The following CHRM2 variants were observed in gnomAD, a reference collection of about 807,000 sequenced individuals.
CHRM2 encodes the protein muscarinic acetylcholine receptor M2.
Under a neutral mutation model 25.0 loss-of-function variants are expected in CHRM2, and 8 were observed. That is an observed-to-expected ratio of 0.32 (90% CI 0.19 to 0.58). The LOEUF is 0.58. Ranked by LOEUF, CHRM2 falls within the 20% of genes least tolerant of loss-of-function variation. The probability of loss-of-function intolerance (pLI) is 0.88; values close to 1 mark genes in which losing one functional copy is unlikely to be tolerated. For synonymous variants in CHRM2, 202 were observed against 205.7 expected (o/e 0.98, Z 0.15); for missense variants, 440 against 567.1 (o/e 0.78, Z 2.28).
intron 2 of CHRM2, among the ~76,000 whole-genome samples, chr7:136,926,880 C>T (rs1477003136): frequency 6.6e-6 from 1 of 152,150 alleles, no homozygotes; most frequent in Non-Finnish European, 1.5e-5. Flanking sequence ...CAAAGATAAA[C>T]TTAGAAAACC....
chr7:136,991,596 C>A (rs1803235553), intron 2 of CHRM2, among the ~76,000 whole-genome samples: 1 of 152,064 alleles, frequency 6.6e-6, no homozygotes, highest in South Asian at 2.1e-4. Context: ...CATTGGAGAA[C>A]ACTGCCAAGC....
chr7:136,932,049 T>C (rs1799137292), intron 2 of CHRM2, among the ~76,000 whole-genome samples: 1 of 152,200 alleles, frequency 6.6e-6, no homozygotes, highest in Non-Finnish European at 1.5e-5. Flanking sequence ...TTTTATTTAC[T>C]AGTGATCTGT....
intron 3 of CHRM2, among the ~76,000 whole-genome samples, chr7:136,996,508 G>A (rs1803614065): frequency 6.6e-6 from 1 of 151,940 alleles, no homozygotes; most frequent in African/African-American, 2.4e-5. Context: ...TTATGATTGG[G>A]ATTTTGCTAC....
chr7:136,959,887 G>C (rs1210810494), intron 2 of CHRM2, among the ~76,000 whole-genome samples: 1 of 152,082 alleles, frequency 6.6e-6, no homozygotes, highest in Non-Finnish European at 1.5e-5. Context: ...CTCCAGCCTG[G>C]GCAGCAAGAG....
chr7:137,016,385 G>T lies in CHRM2; in HGVS notation c.*119G>T. 5.4e-6 allele frequency: 6 copies of T among 1,102,716 alleles called. No individual in the cohort carries two copies. The highest frequency in any genetic ancestry group is 8.1e-6 in the Non-Finnish European group (6 of 744,234). The allele number at this position is 1,102,716 out of a possible 1,614,324, so 68.3% of individuals were successfully genotyped here. A position where few individuals can be genotyped will look rare whatever the true frequency, so the allele number is the denominator to read the frequency against. On this transcript the variant is annotated 3_prime_UTR_variant, in exon 4 of 4. Coordinates refer to ENST00000680005, the MANE Select transcript of CHRM2 (RefSeq NM_001006630.2). ...ACTTTATAGTCTGATTACAAAACGTGCAATTCAGGAGCCCAGCAGTGACAC... is the reference window on the plus strand; with the variant it reads ...ACTTTATAGTCTGATTACAAAACGTTCAATTCAGGAGCCCAGCAGTGACAC...
chr7:136,927,500 A>G (rs1393556067), intron 2 of CHRM2, among the ~76,000 whole-genome samples: 1 of 152,106 alleles, frequency 6.6e-6, no homozygotes, highest in African/African-American at 2.4e-5. Flanking sequence ...CTAGTTGACT[A>G]GACCCTAGAT....
chr7:136,955,391 C>T (rs1283412389), intron 2 of CHRM2, among the ~76,000 whole-genome samples: 6 of 152,140 alleles, frequency 3.9e-5, no homozygotes, highest in Non-Finnish European at 8.8e-5. Context: ...ATACTCTTGT[C>T]CTCGGGTTTT....
intron 2 of CHRM2, among the ~76,000 whole-genome samples, chr7:136,966,304 T>A (rs1409491003): frequency 6.6e-6 from 1 of 151,970 alleles, no homozygotes; most frequent in Non-Finnish European, 1.5e-5. Context: ...CTTTGTCTTA[T>A]TTGCTTCATT....
intron 3 of CHRM2, among the ~76,000 whole-genome samples, chr7:137,002,605 T>C (rs1280522885): frequency 6.6e-6 from 1 of 152,208 alleles, no homozygotes; most frequent in Non-Finnish European, 1.5e-5. Context: ...AATTGACATT[T>C]CTTGAAGTAT....
Position 136,939,860 on chromosome 7 carries a change from T to C in CHRM2, c.-124-52327T>C, listed in dbSNP as rs943776870. Among the ~76,000 whole-genome samples the C allele has an allele frequency of 3.9e-5, 6 of 152,350 alleles. No individual in the cohort carries two copies. In the East Asian group the frequency reaches 7.7e-4, roughly 20 times the overall value. On this transcript the variant is annotated intron_variant, in intron 2 of 3. Transcript: ENST00000680005. ...ATTGTGAAATGCAAGAGGATTTATC[T>C]ATATAAATTCATTGCCAGTTAAACA...
At chr7:136,878,319 A>T (rs1473234947) in intron 2 of CHRM2, among the ~76,000 whole-genome samples, 1 of 151,914 alleles carries the variant, frequency 6.6e-6, no homozygotes, top group Non-Finnish European at 1.5e-5. Context: ...GTAGGCAGTT[A>T]TGTCTTCGCA....
At chr7:136,913,430 C>T (rs139863642) in intron 2 of CHRM2, among the ~76,000 whole-genome samples, 7 of 152,032 alleles carry the variant, frequency 4.6e-5, no homozygotes, top group African/African-American at 1.7e-4. Context: ...TAGAGGAGAT[C>T]TCTATAACAC....
At chr7:136,924,456 G>A (rs1798624429) in intron 2 of CHRM2, among the ~76,000 whole-genome samples, 1 of 147,734 alleles carries the variant, frequency 6.8e-6, no homozygotes, top group African/African-American at 2.5e-5. Context: ...GTGAGAACAT[G>A]CGTTGTTTGG....
intron 2 of CHRM2, among the ~76,000 whole-genome samples, chr7:136,908,473 A>AT (rs1295499994): frequency 6.6e-6 from 1 of 151,936 alleles, no homozygotes; most frequent in Non-Finnish European, 1.5e-5. Flanking sequence ...TGTTAATTGG[A>AT]TTTTTAAATA....
intron 2 of CHRM2, among the ~76,000 whole-genome samples, chr7:136,929,276 T>C (rs912207195): frequency 1.3e-5 from 2 of 151,880 alleles, no homozygotes; most frequent in East Asian, 1.9e-4. Context: ...TTCTTTCTTT[T>C]TTTTTTTAAT....
intron 2 of CHRM2, among the ~76,000 whole-genome samples, chr7:136,875,215 T>TACATAC (rs1428125344): frequency 6.6e-6 from 1 of 151,436 alleles, no homozygotes; most frequent in Non-Finnish European, 1.5e-5. Context: ...TATATACATA[T>TACATAC]ACATACACAC....
At chr7:136,955,382 T>C (rs556272902) in intron 2 of CHRM2, among the ~76,000 whole-genome samples, 3 of 152,208 alleles carry the variant, frequency 2.0e-5, no homozygotes, top group Non-Finnish European at 4.4e-5. Flanking sequence ...TTCCTTGGAA[T>C]ACTCTTGTCC....
At chr7:136,998,128 G>A (rs988121528) in intron 3 of CHRM2, among the ~76,000 whole-genome samples, 3 of 152,150 alleles carry the variant, frequency 2.0e-5, no homozygotes, top group African/African-American at 7.2e-5. Context: ...GAGTTAGTAG[G>A]TACATATGGA....
chr7:136,901,948 C>T (rs1247201343), intron 2 of CHRM2: 1 of 151,846 alleles, frequency 6.6e-6, no homozygotes, highest in East Asian at 1.9e-4. Context: ...TATGCTAATC[C>T]ATTACACAGC....
Sources: allele counts gnomAD v4.1 joint callset (sites outside exome capture counted in the v4.1 genomes callset), GRCh38; gene constraint gnomAD v4.1.1; transcripts MANE v1.5; gene names NCBI Gene and HGNC (gene_info 2026-07-23, HGNC 2026-07-21).